Variants in USP37 observed in about 807,000 individuals in gnomAD.
USP37 encodes the protein ubiquitin specific peptidase 37.
USP37 carries 27 observed loss-of-function variants against 124.0 expected under a neutral mutation model. That is an observed-to-expected ratio of 0.22 (90% CI 0.16 to 0.30). The LOEUF (loss-of-function observed/expected upper bound fraction) is 0.30. USP37 is among the 10% of genes least tolerant of loss of function. USP37 has a pLI of 1.00. For missense variants in USP37, 889 were observed against 1,140.4 expected, an observed-to-expected ratio of 0.78 and a Z score of 3.17; for synonymous variants, 365 against 388.0, an observed-to-expected ratio of 0.94 and a Z score of 0.70.
intron 11 of USP37, among the ~76,000 whole-genome samples, chr2:218,502,227 G>A (rs892756973): frequency 6.6e-6 from 1 of 152,030 alleles, no homozygotes; most frequent in African/African-American, 2.4e-5. Context: ...TGCTCTACAC[G>A]ATCAAGAATG....
At position 218,549,912 on chromosome 2, in the gene USP37, G is replaced by A. The variant is rs749714685; in HGVS notation, c.329-3C>T. ...AGACCCCTGAGACGGTTTCATGGCT[G>A]GTGACCAAAAATATAATTTTTTTTA... is the stretch of plus-strand genomic sequence containing the variant. On this transcript the variant is annotated splice_polypyrimidine_tract_variant and splice_region_variant and intron_variant, in intron 5 of 25. Coordinates refer to ENST00000258399, the MANE Select transcript of USP37 (RefSeq NM_020935.3). The A allele has an allele frequency of 6.3e-7, 1 of 1,581,748 alleles. No individual in the cohort carries two copies. Among genetic ancestry groups the A allele is most frequent in the South Asian group, 1.2e-5 (1 of 85,014 alleles).
chr2:218,456,315 G>A (rs1249480066), intron 24 of USP37, among the ~76,000 whole-genome samples: 1 of 151,978 alleles, frequency 6.6e-6, no homozygotes, highest in Non-Finnish European at 1.5e-5. Flanking sequence ...GTCAGGTGTG[G>A]TGGCATGCAC....
chr2:218,494,651 G>A (rs1417444961), intron 14 of USP37, among the ~76,000 whole-genome samples: 1 of 152,166 alleles, frequency 6.6e-6, no homozygotes, highest in East Asian at 1.9e-4. Context: ...ATGTGTGAAA[G>A]TCATAGAAAT....
intron 21 of USP37, 32 bp from the exon 22 acceptor site, chr2:218,463,398 T>G: frequency 6.3e-7 from 1 of 1,599,132 alleles, no homozygotes; most frequent in Non-Finnish European, 8.6e-7. Flanking sequence ...CTAAGGTATT[T>G]AAAGAGGTAC....
At chr2:218,554,772 G>T (rs1163831090) in intron 4 of USP37, among the ~76,000 whole-genome samples, 2 of 149,638 alleles carry the variant, frequency 1.3e-5, no homozygotes, top group African/African-American at 4.9e-5. Context: ...AATTGGAGTA[G>T]AATCTTTGTC....
intron 7 of USP37, among the ~76,000 whole-genome samples, chr2:218,546,648 T>C (rs1201304346): frequency 2.0e-5 from 3 of 152,176 alleles, no homozygotes; most frequent in African/African-American, 7.2e-5. Flanking sequence ...CTCAATCTCC[T>C]GACCTCATGA....
chr2:218,522,756 T>G (rs1298714700), intron 10 of USP37, among the ~76,000 whole-genome samples: 1 of 131,588 alleles, frequency 7.6e-6, no homozygotes, highest in Non-Finnish European at 1.7e-5. Flanking sequence ...TAAAAATACA[T>G]ATTTTATTAG....
At position 218,495,137 on chromosome 2, in the gene USP37, G is replaced by A. The variant is rs562277360; in HGVS notation, c.1472+623C>T. On this transcript the variant is annotated intron_variant, in intron 14 of 25. Transcript: ENST00000258399. ...TTCCTCAGTTCTCACTCTGCCACGC[G>A]TTTTTGTTTCGTTTTGTTTTTTGAG... 4.6e-5 allele frequency among the ~76,000 whole-genome samples: 7 copies of A among 152,092 alleles called. No homozygotes were observed. In the East Asian group the frequency reaches 7.7e-4, roughly 17 times the overall value.
intron 15 of USP37, among the ~76,000 whole-genome samples, chr2:218,487,461 G>A (rs891469863): frequency 1.3e-5 from 2 of 151,166 alleles, no homozygotes; most frequent in Non-Finnish European, 2.9e-5. Context: ...TCGTTCTGTC[G>A]CCAGGCTGGA....
chr2:218,547,194 A>T (rs1453328398), intron 6 of USP37, 103 bp from the exon 7 acceptor site: 14 of 1,253,118 alleles, frequency 1.1e-5, no homozygotes, highest in Non-Finnish European at 8.7e-6. Flanking sequence ...AAATGGAGCC[A>T]GGTGCGATGG....
At chr2:218,498,348 C>T (rs1164925902) in intron 11 of USP37, 191 bp from the exon 12 acceptor site, 6 of 425,878 alleles carry the variant, frequency 1.4e-5, no homozygotes, top group East Asian at 4.5e-5. Context: ...AAAGAAGGCA[C>T]AAAAATGTCC....
intron 21 of USP37, among the ~76,000 whole-genome samples, chr2:218,465,075 T>A (rs182782779): frequency 6.6e-6 from 1 of 152,034 alleles, no homozygotes; most frequent in Non-Finnish European, 1.5e-5. Flanking sequence ...CAAGACCCTA[T>A]CTCAATAAAT....
chr2:218,498,695 C>A (rs1414267822), intron 11 of USP37, among the ~76,000 whole-genome samples: 1 of 151,896 alleles, frequency 6.6e-6, no homozygotes, highest in African/African-American at 2.4e-5. Flanking sequence ...CCATTGCACT[C>A]CAGCCTCAGC....
intron 1 of USP37, among the ~76,000 whole-genome samples, chr2:218,564,490 G>C (rs1371581137): frequency 6.6e-6 from 1 of 152,178 alleles, no homozygotes; most frequent in African/African-American, 2.4e-5. Context: ...CCTCATCAAT[G>C]AATTATGGCA....
In USP37 at chr2:218,485,644, A is replaced by G; in HGVS notation, c.1670+20T>C. 6.5e-7 allele frequency: 1 copy of G among 1,534,144 alleles called. No individual in the cohort carries two copies. Among genetic ancestry groups the G allele is most frequent in the Non-Finnish European group, 8.7e-7 (1 of 1,145,326 alleles). On this transcript the variant is annotated intron_variant, in intron 16 of 25. Transcript: ENST00000258399. ...ATTCTTTAGTCCATAGCAAAAAAAAAAAAAAAAAAAAAAAATTACCTAGGA... is the reference window on the plus strand; with the variant it reads ...ATTCTTTAGTCCATAGCAAAAAAAAGAAAAAAAAAAAAAAATTACCTAGGA...
chr2:218,515,000 T>C (rs1013986012), intron 10 of USP37, among the ~76,000 whole-genome samples: 3 of 152,184 alleles, frequency 2.0e-5, no homozygotes, highest in Non-Finnish European at 4.4e-5. Context: ...CATTTCCTCA[T>C]ACTTTTTTGT....
chr2:218,452,956 C>T lies in USP37; in HGVS notation c.*1974G>A, dbSNP rs895642707. The T allele has an allele frequency of 6.6e-6, 1 of 152,156 alleles. No homozygotes were observed. Among genetic ancestry groups the T allele is most frequent in the African/African-American group, 2.4e-5 (1 of 41,444 alleles). 9.4% of individuals were successfully genotyped at this position (152,156 alleles called of 1,614,324 possible). On this transcript the variant is annotated 3_prime_UTR_variant, in exon 26 of 26. Transcript: ENST00000258399. ...GGCTCCTGGTAGAAATGAAACAAAA[C>T]TTTAAAGCTAGTTTTAAAACAAATA...
chr2:218,478,120 G>T (rs1374966868), intron 18 of USP37, among the ~76,000 whole-genome samples: 1 of 152,052 alleles, frequency 6.6e-6, no homozygotes, highest in African/African-American at 2.4e-5. Flanking sequence ...ATGGCACCAA[G>T]AAATAAGAGG....
At chr2:218,467,421 T>C (rs1293503691) in intron 20 of USP37, among the ~76,000 whole-genome samples, 1 of 152,128 alleles carries the variant, frequency 6.6e-6, no homozygotes, top group Non-Finnish European at 1.5e-5. Context: ...CGATCTCGGC[T>C]CACTGCAACC....
Sources: gnomAD v4.1 joint callset for allele counts (sites outside exome capture counted in the v4.1 genomes callset) on GRCh38, gnomAD v4.1.1 for gene constraint, MANE v1.5 for transcripts, NCBI Gene and HGNC (gene_info 2026-07-23, HGNC 2026-07-21) for gene names.